Variants in CHD1 observed in about 807,000 individuals in gnomAD.
The protein encoded by CHD1 is ATP-dependent chromatin remodeler CHD1.
CHD1 carries 36 observed loss-of-function variants against 224.2 expected under a neutral mutation model. That is an observed-to-expected ratio of 0.16 (90% CI 0.12 to 0.21). The LOEUF is 0.21. Ranked by LOEUF, CHD1 falls within the 10% of genes least tolerant of loss-of-function variation. The pLI is 1.00. For synonymous variants in CHD1, 668 were observed against 658.3 expected, an observed-to-expected ratio of 1.01 and a Z score of -0.23; for missense variants, 1,378 against 1,994.8, an observed-to-expected ratio of 0.69 and a Z score of 5.89.
At chr5:98,868,974 T>G in intron 30 of CHD1, 1 of 793,642 alleles carries the variant, frequency 1.3e-6, no homozygotes, top group Non-Finnish European at 1.5e-6. Flanking sequence ...AATATGCTGA[T>G]TGTTTTTACT....
intron 30 of CHD1, 70 bp downstream of exon 30, chr5:98,869,684 G>A: frequency 1.3e-6 from 2 of 1,495,144 alleles, no homozygotes; most frequent in Non-Finnish European, 1.8e-6. Flanking sequence ...AATTTTAAAT[G>A]TAAAGTACAC....
At position 98,902,968 on chromosome 5, in the gene CHD1, T is replaced by C. The variant is rs765485452; in HGVS notation, c.373-4A>G. On this transcript the variant is annotated splice_polypyrimidine_tract_variant and splice_region_variant and intron_variant, in intron 4 of 35. Coordinates refer to ENST00000614616, the MANE Select transcript of CHD1 (RefSeq NM_001270.4). ...AATCTTCACTGCTAGAGGAATCCTG[T>C]AGAAAAGAAATAAAGTCAGTATCAT... 9 of 1,579,474 alleles carry C rather than the reference T, an allele frequency of 5.7e-6. No homozygotes were observed. The African/African-American group carries it at 9.4e-5, about 17-fold the overall frequency.
intron 2 of CHD1, among the ~76,000 whole-genome samples, chr5:98,917,766 G>C (rs1223207615): frequency 1.3e-5 from 2 of 152,000 alleles, no homozygotes; most frequent in Non-Finnish European, 2.9e-5. Context: ...CAATAACTTA[G>C]ATCTCAATCT....
chr5:98,863,805 AGT>A (rs1748653318), intron 31 of CHD1, among the ~76,000 whole-genome samples: 1 of 152,148 alleles, frequency 6.6e-6, no homozygotes, highest in African/African-American at 2.4e-5. Flanking sequence ...ATTTAAAATC[AGT>A]CTTTGAGTAA....
Position 98,872,060 on chromosome 5 carries a change from T to C in CHD1, c.3852A>G (p.Leu1284=), listed in dbSNP as rs1015719755. ...EMIKMDPDLS[L]THKILPDDPD... is the part of the protein sequence containing the mutation. The stretch of plus-strand genomic sequence containing the variant: ...AGAAATAGATAAATACCTTGTGTGT[T>C]AGACTGAGGTCAGGATCCATTTTAA... Residue 1284 remains leucine (L), a synonymous_variant, in exon 28 of 36, where the codon CTA becomes CTG. Transcript: ENST00000614616. The C allele has an allele frequency of 1.1e-5, 17 of 1,611,354 alleles. No homozygotes were observed. The highest frequency in any genetic ancestry group is 5.3e-5 in the African/African-American group (4 of 74,848).
intron 2 of CHD1, among the ~76,000 whole-genome samples, chr5:98,907,862 G>A (rs974202023): frequency 4.6e-5 from 7 of 151,888 alleles, no homozygotes; most frequent in Admixed American, 1.3e-4. Flanking sequence ...TTAGAATTAC[G>A]TAAATGTTTT....
intron 2 of CHD1, among the ~76,000 whole-genome samples, chr5:98,905,524 TA>T (rs11317778): frequency 0.26 from 39,865 of 152,042 alleles, 5,598 homozygotes; most frequent in African/African-American, 0.34. Context: ...TTAAATGTGT[TA>T]AAAAAAATTC....
chr5:98,864,569 C>A (rs1485252610), intron 31 of CHD1, among the ~76,000 whole-genome samples: 1 of 149,958 alleles, frequency 6.7e-6, no homozygotes, highest in African/African-American at 2.5e-5. Flanking sequence ...GTGGCGCACA[C>A]CTGTAGTCCC....
intron 29 of CHD1, 38 bp from the exon 30 acceptor site, chr5:98,869,920 A>C (rs375501111): frequency 1.5e-5 from 23 of 1,503,570 alleles, no homozygotes; most frequent in Non-Finnish European, 2.0e-5. Context: ...AATTCTACAG[A>C]TTTCATTTTT....
intron 2 of CHD1, among the ~76,000 whole-genome samples, chr5:98,921,144 A>T: frequency 6.6e-6 from 1 of 152,226 alleles, no homozygotes; most frequent in Non-Finnish European, 1.5e-5. Context: ...AAGTTTTGTG[A>T]GGATGAACTG....
chr5:98,869,210 G>C (rs1039887354), intron 30 of CHD1: 1 of 979,688 alleles, frequency 1.0e-6, no homozygotes, highest in African/African-American at 1.8e-5. Context: ...ATCTGGCTCA[G>C]GTTTTTCTTC....
At chr5:98,897,402 T>A in intron 10 of CHD1, 82 bp from the exon 11 acceptor site, 1 of 974,852 alleles carries the variant, frequency 1.0e-6, no homozygotes, top group Non-Finnish European at 1.5e-6. Flanking sequence ...AGCTTTACCA[T>A]AAATTCTTAA....
rs1319823318 is a variant in CHD1 at position 98,868,614 on chromosome 5, C to T, written c.4129G>A (p.Gly1377Ser). ...DDKLSESKSD[G>S]RERSKKSSVS... Reference sequence around the variant, plus strand: ...GAAGATTTCTTGGATCTTTCCCTACCATCAGACTTGGATTCACTCAACTAA... The same window carrying T: ...GAAGATTTCTTGGATCTTTCCCTACTATCAGACTTGGATTCACTCAACTAA... Residue 1377 changes from glycine to serine, a missense_variant, in exon 31 of 36, where the codon GGT becomes AGT. By Grantham distance (56) the Gly-to-Ser change is moderately conservative. This residue lies in a region of CHD1 where 105 missense variants were observed against 93.4 expected (regional missense o/e 1.12). Transcript: ENST00000614616. 2 of 1,598,532 alleles carry T rather than the reference C, an allele frequency of 1.3e-6. No individual in the cohort carries two copies. The highest frequency in any genetic ancestry group is 1.7e-6 in the Non-Finnish European group (2 of 1,174,602).
At chr5:98,895,415 C>T (rs566400312) in intron 12 of CHD1, among the ~76,000 whole-genome samples, 12 of 152,252 alleles carry the variant, frequency 7.9e-5, no homozygotes, top group Non-Finnish European at 1.3e-4. Context: ...GTGTTTATTA[C>T]ATTCTTCTGT....
intron 2 of CHD1, 148 bp downstream of exon 2, chr5:98,926,186 A>ACTTT: frequency 2.0e-6 from 1 of 506,480 alleles, no homozygotes. Context: ...GTATATCAGA[A>ACTTT]TTTTTTTAGT....
intron 32 of CHD1, among the ~76,000 whole-genome samples, chr5:98,861,500 T>C (rs949152839): frequency 1.3e-5 from 2 of 152,142 alleles, no homozygotes; most frequent in Non-Finnish European, 2.9e-5. Flanking sequence ...TAATGCCAAC[T>C]GTTCTGTAAT....
chr5:98,864,977 C>T lies in CHD1; in HGVS notation c.4249-1391G>A, dbSNP rs144404922. Among the ~76,000 whole-genome samples, 528 of 152,210 alleles carry T rather than the reference C, an allele frequency of 3.5e-3. 1 individual carries two copies. Among genetic ancestry groups the T allele is most frequent in the African/African-American group, 0.012 (481 of 41,510 alleles). ...GAGCTGTAAGTAAAACAGATCCTGC[C>T]TTTATGGAACCTGGACTCTAGTATA... On this transcript the variant is annotated intron_variant, in intron 31 of 35. Transcript: ENST00000614616.
chr5:98,910,100 G>C (rs888218497), intron 2 of CHD1, among the ~76,000 whole-genome samples: 2 of 152,084 alleles, frequency 1.3e-5, no homozygotes, highest in South Asian at 2.1e-4. Flanking sequence ...GCCTTATTTA[G>C]GATGTTTCAA....
chr5:98,882,955 A>G (rs1428252708), intron 19 of CHD1, 133 bp downstream of exon 19: 23 of 520,922 alleles, frequency 4.4e-5, no homozygotes, highest in Non-Finnish European at 7.0e-5. Context: ...CAAGCTCCTC[A>G]GTATCCTATC....
Sources: allele counts gnomAD v4.1 joint callset (sites outside exome capture counted in the v4.1 genomes callset), GRCh38; gene constraint gnomAD v4.1.1; regional missense constraint gnomAD v4.1.1; transcripts MANE v1.5; gene names NCBI Gene and HGNC (gene_info 2026-07-23, HGNC 2026-07-21).